Variants in CCDC82 observed in about 807,000 individuals in gnomAD.
The protein encoded by CCDC82 is coiled-coil domain containing 82.
A neutral mutation model predicts 60.6 loss-of-function variants in CCDC82; 47 were observed. The ratio of observed to expected loss-of-function variants is 0.77; its 90% CI spans 0.61 to 0.99. CCDC82 has a LOEUF of 0.99. Ranked by LOEUF, CCDC82 falls within the 50% of genes least tolerant of loss-of-function variation. The probability of loss-of-function intolerance (pLI) is 0.00; values close to 1 mark genes in which losing one functional copy is unlikely to be tolerated. For missense variants in CCDC82, 588 were observed against 633.0 expected (o/e 0.93, Z 0.76); for synonymous variants, 212 against 207.4 (o/e 1.02, Z -0.19).
Position 96,359,195 on chromosome 11 carries a change from A to G in CCDC82, c.1381-17T>C. The G allele has an allele frequency of 6.5e-7, 1 of 1,545,444 alleles. No individual in the cohort carries two copies. The highest frequency in any genetic ancestry group is 8.7e-7 in the Non-Finnish European group (1 of 1,155,530). On this transcript the variant is annotated splice_polypyrimidine_tract_variant and intron_variant, in intron 8 of 9. Coordinates refer to ENST00000646818, the MANE Select transcript of CCDC82 (RefSeq NM_024725.4). Reference sequence around the variant, plus strand: ...AGTGAACACCTAAATCAAGAAATAAAGATTGTTATCTGACAACGAATATAT... The same window carrying G: ...AGTGAACACCTAAATCAAGAAATAAGGATTGTTATCTGACAACGAATATAT...
At chr11:96,353,853 C>G (rs1256117530) in intron 9 of CCDC82, 139 bp from the exon 10 acceptor site, 1 of 580,092 alleles carries the variant, frequency 1.7e-6, no homozygotes, top group East Asian at 2.8e-5. Flanking sequence ...TAAACAGGAA[C>G]TTAATTTCAA....
In CCDC82 at chr11:96,353,709, A is replaced by G. The variant is rs199999676; in HGVS notation, c.1572T>C (p.Tyr524=). 9.3e-6 allele frequency: 15 copies of G among 1,606,710 alleles called. No individual in the cohort carries two copies. Among genetic ancestry groups the G allele is most frequent in the Admixed American group, 3.3e-5 (2 of 59,832 alleles). Residue 524 remains tyrosine, a synonymous_variant, in exon 10 of 10, where the codon TAT becomes TAC. Coordinates refer to ENST00000646818, the MANE Select transcript of CCDC82 (RefSeq NM_024725.4). ...AATTGAGATATTCTTCAAGTTGACC[A>G]TATTTCTGCATATACAATAGAAAAG... The part of the protein sequence containing the change: ...SKENGWIKEK[Y]GQLEEYLNFA...
chr11:96,370,334 T>A (rs546342541), intron 7 of CCDC82, among the ~76,000 whole-genome samples: 31 of 152,306 alleles, frequency 2.0e-4, no homozygotes, highest in African/African-American at 7.2e-4. Context: ...ACAAATCATA[T>A]AGTACATCCT....
At chr11:96,382,870 G>T (rs1349846890) in intron 5 of CCDC82, 1 of 158,142 alleles carries the variant, frequency 6.3e-6, no homozygotes. Context: ...AGACATTAAA[G>T]ATTTACAAGA....
At position 96,359,068 on chromosome 11, in the gene CCDC82, T is replaced by C. The variant is rs1275762093; in HGVS notation, c.1491A>G (p.Glu497=). The change falls in exon 9 of 10, where the codon GAA becomes GAG. Residue 497 remains glutamate (E), a synonymous_variant. Transcript: ENST00000646818. ...QECCTIAMTE[E]VEDEQVKETV... ...TTTCTTTAACTTGTTCATCTTCAAC[T>C]TCTTCTGTCATTGCAATGGTGCAAC... 2.5e-6 allele frequency: 4 copies of C among 1,607,094 alleles called. No homozygotes were observed. In the Admixed American group the frequency reaches 6.9e-5, roughly 28 times the overall value.
chr11:96,388,626 AAT>A (rs1866344562), intron 1 of CCDC82: 1 of 152,252 alleles, frequency 6.6e-6, no homozygotes, highest in East Asian at 1.9e-4. Context: ...CATCAGAAGA[AAT>A]ATAGTTCCTT....
At chr11:96,375,521 T>G (rs1462109977) in intron 5 of CCDC82, among the ~76,000 whole-genome samples, 1 of 152,202 alleles carries the variant, frequency 6.6e-6, no homozygotes, top group Non-Finnish European at 1.5e-5. Flanking sequence ...ATAATATTAC[T>G]GAGCAAAATA....
chr11:96,369,356 T>G (rs554036553), intron 7 of CCDC82, among the ~76,000 whole-genome samples: 1 of 152,272 alleles, frequency 6.6e-6, no homozygotes, highest in Non-Finnish European at 1.5e-5. Flanking sequence ...TCTGAACTTT[T>G]GACATGCTTT....
chr11:96,383,485 A>G lies in CCDC82; in HGVS notation c.787-12T>C. 1 of 1,540,250 alleles carries G rather than the reference A, an allele frequency of 6.5e-7. No homozygotes were observed. Among genetic ancestry groups the G allele is most frequent in the Non-Finnish European group, 8.8e-7 (1 of 1,131,870 alleles). ...TCCTTTTCAGAGTCCTAATTAAATT[A>G]AAATAAATGCTTCAGTAAATGGTGC... On this transcript the variant is annotated splice_polypyrimidine_tract_variant and intron_variant, in intron 4 of 9. Transcript: ENST00000646818.
At chr11:96,366,281 T>C (rs1293290142) in intron 7 of CCDC82, among the ~76,000 whole-genome samples, 1 of 152,232 alleles carries the variant, frequency 6.6e-6, no homozygotes, top group Non-Finnish European at 1.5e-5. Context: ...ATTGTTGGTT[T>C]ATTTTGTTTG....
At chr11:96,359,380 T>C (rs1250282755) in intron 8 of CCDC82, 2 of 467,246 alleles carry the variant, frequency 4.3e-6, no homozygotes, top group African/African-American at 2.1e-5. Flanking sequence ...ACTAGAGATA[T>C]ATAAATAAAA....
chr11:96,383,888 AC>A, intron 4 of CCDC82, 73 bp downstream of exon 4: 3 of 1,329,702 alleles, frequency 2.3e-6, no homozygotes, highest in Non-Finnish European at 3.1e-6. Flanking sequence ...CGGACTCAGC[AC>A]TTTTTTATAA....
chr11:96,386,569 G>A (rs1178136623), intron 2 of CCDC82: 4 of 152,030 alleles, frequency 2.6e-5, no homozygotes, highest in Non-Finnish European at 4.4e-5. Context: ...GATATGTTTC[G>A]ATTTTTAAAT....
At chr11:96,358,911 TC>T in intron 9 of CCDC82, 81 bp downstream of exon 9, 1 of 1,216,704 alleles carries the variant, frequency 8.2e-7, no homozygotes, top group Non-Finnish European at 1.2e-6. Flanking sequence ...AATTTCACTA[TC>T]TTTTAATCAT....
chr11:96,362,132 CATGGAGTGTAAATTAAATCT>C (rs959740471), intron 8 of CCDC82, among the ~76,000 whole-genome samples: 1 of 152,146 alleles, frequency 6.6e-6, no homozygotes, highest in African/African-American at 2.4e-5. Flanking sequence ...AGCTATATCA[CATGGAGTGTAAATTAAATCT>C]AGATAACAAA....
intron 8 of CCDC82, among the ~76,000 whole-genome samples, chr11:96,360,200 T>A (rs4548578): frequency 0.57 from 80,938 of 142,976 alleles, 23,112 homozygotes; most frequent in African/African-American, 0.68. Flanking sequence ...ATATATATAT[T>A]TTTTTTGTTT....
At chr11:96,384,814 G>A in intron 3 of CCDC82, 53 bp from the exon 4 acceptor site, 1 of 1,098,372 alleles carries the variant, frequency 9.1e-7, no homozygotes, top group Non-Finnish European at 1.3e-6. Context: ...TTAGAGCAAT[G>A]AATGCATTTA....
intron 5 of CCDC82, chr11:96,383,053 C>T (rs1036988851): frequency 4.2e-6 from 2 of 479,600 alleles, no homozygotes; most frequent in Non-Finnish European, 7.3e-6. Context: ...ACAGGCATAA[C>T]TCATTGAAGT....
intron 5 of CCDC82, among the ~76,000 whole-genome samples, chr11:96,373,879 C>G (rs1865427637): frequency 6.6e-6 from 1 of 152,174 alleles, no homozygotes; most frequent in Admixed American, 6.5e-5. Context: ...ATGAAATTGT[C>G]CAGGGAACTG....
Sources: gnomAD v4.1 joint callset for allele counts (sites outside exome capture counted in the v4.1 genomes callset) on GRCh38, gnomAD v4.1.1 for gene constraint, MANE v1.5 for transcripts, NCBI Gene and HGNC (gene_info 2026-07-23, HGNC 2026-07-21) for gene names.